The following FAT4 variants were observed in gnomAD, a reference collection of about 807,000 sequenced individuals.
The protein encoded by FAT4 is protocadherin Fat 4.
Under a neutral mutation model 303.9 loss-of-function variants are expected in FAT4, and 84 were observed. That is an observed-to-expected ratio of 0.28 (90% CI 0.23 to 0.33). The LOEUF is 0.33. Among genes scored for constraint, FAT4 ranks in the 10% least tolerant of loss-of-function variants. FAT4 has a pLI of 1.00. For missense variants in FAT4, 6,005 were observed against 6,146.8 expected (o/e 0.98, Z 0.77); for synonymous variants, 2,307 against 2,298.8 (o/e 1.00, Z -0.10).
chr4:125,326,441 G>T (rs1319603194), intron 2 of FAT4, among the ~76,000 whole-genome samples: 1 of 151,964 alleles, frequency 6.6e-6, no homozygotes, highest in Non-Finnish European at 1.5e-5. Flanking sequence ...ATAATGATAA[G>T]TGCATAGTGA....
At position 125,317,420 on chromosome 4, in the gene FAT4, G is replaced by T; in HGVS notation, c.1009G>T (p.Ala337Ser). Residue 337 changes from alanine to serine, a missense_variant, in exon 2 of 18, where the codon GCC becomes TCC. Transcript: ENST00000394329. The surrounding 1 kb of genome is among the most constrained non-coding windows in gnomAD (Gnocchi z 7.0). The part of the protein sequence containing the change: ...DRGVPSLTGR[A>S]EALIQLLDVN... ...AGGCGTGCCTTCCCTCACTGGGCGC[G>T]CCGAGGCGCTGATTCAGCTGCTGGA... The T allele has an allele frequency of 6.2e-7, 1 of 1,613,586 alleles. No homozygotes were observed. The highest frequency in any genetic ancestry group is 8.5e-7 in the Non-Finnish European group (1 of 1,180,030).
chr4:125,388,190 A>C (rs1733834708), intron 2 of FAT4, among the ~76,000 whole-genome samples: 1 of 152,176 alleles, frequency 6.6e-6, no homozygotes, highest in South Asian at 2.1e-4. Flanking sequence ...TGTCCAATCC[A>C]AATATTATGA....
chr4:125,333,198 A>G (rs1731451700), intron 2 of FAT4, among the ~76,000 whole-genome samples: 1 of 152,036 alleles, frequency 6.6e-6, no homozygotes, highest in Non-Finnish European at 1.5e-5. Context: ...TCTAAAGGCC[A>G]AGTCAAGCAG....
At position 125,320,770 on chromosome 4, in the gene FAT4, T is replaced by G. The variant is rs1175115554; in HGVS notation, c.4359T>G (p.Gly1453=). 1 of 1,614,150 alleles carries G rather than the reference T, an allele frequency of 6.2e-7. No individual in the cohort carries two copies. The highest frequency in any genetic ancestry group is 8.5e-7 in the Non-Finnish European group (1 of 1,180,002). ...TAHDPDADIN[G]QLSYTIIQQM... is the part of the protein sequence containing the mutation. Reference sequence around the variant, plus strand: ...ATGACCCTGATGCAGACATTAATGGTCAACTATCCTACACAATCATTCAAC... The same window carrying G: ...ATGACCCTGATGCAGACATTAATGGGCAACTATCCTACACAATCATTCAAC... The change falls in exon 2 of 18, where the codon GGT becomes GGG. Residue 1453 remains glycine (G), a synonymous_variant. Transcript: ENST00000394329.
At chr4:125,372,555 A>T (rs1449089905) in intron 2 of FAT4, among the ~76,000 whole-genome samples, 1 of 152,126 alleles carries the variant, frequency 6.6e-6, no homozygotes, top group Non-Finnish European at 1.5e-5. Flanking sequence ...GATGAATTTG[A>T]GGTACTTAGA....
In FAT4 at chr4:125,481,835, A is replaced by G. The variant is rs928187707; in HGVS notation, c.12822+97A>G. 5 of 1,072,140 alleles carry G rather than the reference A, an allele frequency of 4.7e-6. No homozygotes were observed. In the African/African-American group the frequency reaches 4.8e-5, roughly 10 times the overall value. The allele number at this position is 1,072,140 out of a possible 1,614,324, so 66.4% of individuals were successfully genotyped here. A position where few individuals can be genotyped will look rare whatever the true frequency, so the allele number is the denominator to read the frequency against. On this transcript the variant is annotated intron_variant, in intron 16 of 17. Coordinates refer to ENST00000394329, the MANE Select transcript of FAT4 (RefSeq NM_001291303.3). ...CATAATTTCTGTCCTTTTCTTTACA[A>G]CCCATTAGAGTTCCGACTAATGCTG...
chr4:125,317,095 T>G lies in FAT4; in HGVS notation c.684T>G (p.Pro228=), dbSNP rs1331299977. ...LLVEVEDKGE[P]KRRGYLQVNV... ...TTGAGGTGGAGGACAAGGGTGAGCC[T>G]AAGCGGCGGGGCTACCTTCAGGTAA... The change falls in exon 2 of 18, where the codon CCT becomes CCG. Residue 228 remains proline, a synonymous_variant. Transcript: ENST00000394329. The surrounding 1 kb of genome is among the most constrained non-coding windows in gnomAD (Gnocchi z 7.0). 1.2e-6 allele frequency: 2 copies of G among 1,613,922 alleles called. No individual in the cohort carries two copies. The highest frequency in any genetic ancestry group is 1.7e-6 in the Non-Finnish European group (2 of 1,180,038).
chr4:125,441,900 A>G (rs1319375903), intron 8 of FAT4, among the ~76,000 whole-genome samples: 1 of 152,134 alleles, frequency 6.6e-6, no homozygotes, highest in Admixed American at 6.6e-5. Flanking sequence ...TATATCTTTG[A>G]CCAGGGCTTG....
At chr4:125,337,136 G>C (rs1731606971) in intron 2 of FAT4, among the ~76,000 whole-genome samples, 1 of 151,916 alleles carries the variant, frequency 6.6e-6, no homozygotes. Flanking sequence ...TTCACAGAAA[G>C]GAGATTAAAA....
chr4:125,392,457 C>A (rs765483605), intron 2 of FAT4, among the ~76,000 whole-genome samples: 2 of 152,130 alleles, frequency 1.3e-5, no homozygotes, highest in African/African-American at 2.4e-5. Flanking sequence ...ATCCTGCCAA[C>A]TATTTAAATG....
chr4:125,379,840 C>T (rs537037502), intron 2 of FAT4, among the ~76,000 whole-genome samples: 18 of 151,772 alleles, frequency 1.2e-4, no homozygotes, highest in Admixed American at 3.9e-4. Context: ...AAAACACACA[C>T]ATATATATGT....
Position 125,319,241 on chromosome 4 carries a change from G to A in FAT4, c.2830G>A (p.Glu944Lys). Reference protein sequence around the residue: ...QNPKNLFAINEKNGTISLLGP... With the variant: ...QNPKNLFAINKKNGTISLLGP... ...CCCCAAGAACCTGTTTGCTATCAATGAAAAGAATGGCACTATTAGTCTGCT... is the reference window on the plus strand; with the variant it reads ...CCCCAAGAACCTGTTTGCTATCAATAAAAAGAATGGCACTATTAGTCTGCT... The change falls in exon 2 of 18, where the codon GAA becomes AAA. Residue 944 changes from glutamate (E) to lysine (K), a missense_variant. Transcript: ENST00000394329. 1 of 1,614,142 alleles carries A rather than the reference G, an allele frequency of 6.2e-7. No individual in the cohort carries two copies. Among genetic ancestry groups the A allele is most frequent in the Non-Finnish European group, 8.5e-7 (1 of 1,180,020 alleles).
rs1431539251 is a variant in FAT4 at position 125,448,761 on chromosome 4, T to A, written c.7751T>A (p.Val2584Asp). The change falls in exon 10 of 18, where the codon GTC (valine) becomes GAC (aspartate). Residue 2584 changes from valine to aspartate, a missense_variant. Val to Asp is a radical substitution (Grantham distance 152). Transcript: ENST00000394329. The stretch of plus-strand genomic sequence containing the variant: ...TTCATGTTTCCTGAAAACCAACCAG[T>A]CAGCTCTCTTGTCACCACCATCACA... ...QTFMFPENQP[V>D]SSLVTTITGS... 8.7e-6 allele frequency: 14 copies of A among 1,612,452 alleles called. No individual in the cohort carries two copies. The highest frequency in any genetic ancestry group is 1.2e-5 in the Non-Finnish European group (14 of 1,179,908).
chr4:125,340,113 A>C (rs1358874902), intron 2 of FAT4, among the ~76,000 whole-genome samples: 1 of 152,174 alleles, frequency 6.6e-6, no homozygotes, highest in Non-Finnish European at 1.5e-5. Flanking sequence ...AACGTTCAAC[A>C]TATTTTTTCA....
intron 10 of FAT4, among the ~76,000 whole-genome samples, chr4:125,456,211 A>G (rs1321962338): frequency 6.6e-6 from 1 of 152,208 alleles, no homozygotes; most frequent in East Asian, 1.9e-4. Flanking sequence ...TATGTGGCTC[A>G]GGAAGATGTT....
rs114211211 is a variant in FAT4, at chr4:125,485,705, A to T, written c.12823-1640A>T. ...AAAATAATGATTAAAAAAACGGTGT[A>T]GTAAATGCATAAACCACTAATATAG... On this transcript the variant is annotated intron_variant, in intron 16 of 17. Transcript: ENST00000394329. Among the ~76,000 whole-genome samples, 311 of 152,350 alleles carry T rather than the reference A, an allele frequency of 2.0e-3. 4 individuals carry two copies. The highest frequency in any genetic ancestry group is 6.7e-3 in the African/African-American group (279 of 41,588).
In FAT4 at chr4:125,415,437, G is replaced by T; in HGVS notation, c.6474G>T (p.Leu2158Phe). The change falls in exon 6 of 18, where the codon TTG becomes TTT. Residue 2158 changes from leucine to phenylalanine, a missense_variant. By Grantham distance (22) the Leu-to-Phe change is conservative (BLOSUM62 0). Transcript: ENST00000394329. The part of the protein sequence containing the change: ...NDNNPIFAQA[L>F]YKVEINENTL... ...ACAACCCCATCTTTGCACAAGCTTT[G>T]TATAAAGTGGAGATTAATGAAAACA... The T allele has an allele frequency of 6.2e-7, 1 of 1,614,106 alleles. No homozygotes were observed. The highest frequency in any genetic ancestry group is 8.5e-7 in the Non-Finnish European group (1 of 1,179,994).
intron 8 of FAT4, among the ~76,000 whole-genome samples, chr4:125,441,871 A>T (rs1725672341): frequency 6.6e-6 from 1 of 152,290 alleles, no homozygotes; most frequent in Admixed American, 6.5e-5. Flanking sequence ...CAAGCCTTAT[A>T]GGTTTGCTCA....
intron 6 of FAT4, 40 bp downstream of exon 6, chr4:125,415,846 A>T (rs750163996): frequency 6.8e-7 from 1 of 1,464,750 alleles, no homozygotes; most frequent in Non-Finnish European, 9.3e-7. Flanking sequence ...TCTTAATTAT[A>T]AGACATCTAT....
Sources: allele counts gnomAD v4.1 joint callset (sites outside exome capture counted in the v4.1 genomes callset), GRCh38; gene constraint gnomAD v4.1.1; non-coding constraint Gnocchi (gnomAD v3.1); transcripts MANE v1.5; gene names NCBI Gene and HGNC (gene_info 2026-07-23, HGNC 2026-07-21).